Variants in TBL1XR1 observed in about 807,000 individuals in gnomAD.
TBL1XR1 encodes TBL1X/Y related 1, also known as F-box-like/WD repeat-containing protein TBL1XR1.
In TBL1XR1, 5 loss-of-function variants were observed where a neutral mutation model predicts 66.9. The observed-to-expected ratio is 0.07, with a 90% CI of 0.04 to 0.16. The LOEUF (loss-of-function observed/expected upper bound fraction) is 0.16, where lower values mean the gene tolerates loss of function less well. Ranked by LOEUF, TBL1XR1 falls within the 10% of genes least tolerant of loss-of-function variation. The pLI, the probability that TBL1XR1 is intolerant of heterozygous loss-of-function variation, is 1.00. For synonymous variants in TBL1XR1, 210 were observed against 206.0 expected (o/e 1.02, Z -0.17); for missense variants, 238 against 623.2 (o/e 0.38, Z 6.58).
At chr3:177,093,341 A>C (rs985595682) in intron 2 of TBL1XR1, among the ~76,000 whole-genome samples, 13 of 152,214 alleles carry the variant, frequency 8.5e-5, no homozygotes, top group Non-Finnish European at 2.9e-5. Context: ...AAACAAATGG[A>C]AACACATCCT....
intron 2 of TBL1XR1, among the ~76,000 whole-genome samples, chr3:177,071,533 A>G (rs1021325663): frequency 6.6e-6 from 1 of 152,194 alleles, no homozygotes; most frequent in Admixed American, 6.5e-5. Flanking sequence ...TAGAGTAAAA[A>G]TGTCCAAAAG....
intron 4 of TBL1XR1, among the ~76,000 whole-genome samples, chr3:177,052,597 T>C (rs941491550): frequency 3.9e-5 from 6 of 152,172 alleles, no homozygotes; most frequent in African/African-American, 1.4e-4. Flanking sequence ...TTACACACAT[T>C]TTAAGAAAAA....
Position 177,025,439 on chromosome 3 carries a change from G to C in TBL1XR1, c.*59C>G. On this transcript the variant is annotated 3_prime_UTR_variant, in exon 16 of 16. Transcript: ENST00000457928. ...GGACTATAGCAGTACATGGGTCAGG[G>C]ACAGTCATTTTGGCTATGTACACAT... 6.3e-7 allele frequency: 1 copy of C among 1,585,748 alleles called. No individual in the cohort carries two copies. The highest frequency in any genetic ancestry group is 8.6e-7 in the Non-Finnish European group (1 of 1,156,670).
intron 2 of TBL1XR1, among the ~76,000 whole-genome samples, chr3:177,077,565 T>TA (rs1720846163): frequency 6.6e-6 from 1 of 152,184 alleles, no homozygotes; most frequent in Non-Finnish European, 1.5e-5. Flanking sequence ...TACGACAGCC[T>TA]AAGAGTCTCC....
intron 3 of TBL1XR1, among the ~76,000 whole-genome samples, chr3:177,057,718 G>A (rs1016041123): frequency 2.0e-5 from 3 of 152,054 alleles, no homozygotes; most frequent in Admixed American, 6.5e-5. Context: ...GTTAAAATCC[G>A]GCATGACCAT....
At position 177,134,971 on chromosome 3, in the gene TBL1XR1, G is replaced by GTGTGTGTGTGTGTGTGTGTGTGTGTC. The variant is rs1283330297; in HGVS notation, c.-121-36431_-121-36430insGACACACACACACACACACACACACA. 7.8e-4 allele frequency among the ~76,000 whole-genome samples: 114 copies of GTGTGTGTGTGTGTGTGTGTGTGTGTC among 146,134 alleles called. No homozygotes were observed. In the East Asian group the frequency reaches 9.6e-3, roughly 12 times the overall value. On this transcript the variant is annotated intron_variant, in intron 1 of 15. Transcript: ENST00000457928. ...TGTGTGTGTGTGTGTGTGTGTCTGT[G>GTGTGTGTGTGTGTGTGTGTGTGTGTC]TGTGTGTCTGTGTGTGTGTGTTTTG...
intron 1 of TBL1XR1, among the ~76,000 whole-genome samples, chr3:177,111,210 C>G (rs1343313340): frequency 1.3e-5 from 2 of 151,598 alleles, no homozygotes; most frequent in Non-Finnish European, 2.9e-5. Flanking sequence ...AATCCACAAA[C>G]GATACAAAAG....
chr3:177,162,818 T>C (rs899722926), intron 1 of TBL1XR1, among the ~76,000 whole-genome samples: 2 of 152,180 alleles, frequency 1.3e-5, no homozygotes, highest in African/African-American at 2.4e-5. Flanking sequence ...AGATGCTCGA[T>C]CTTATTCAAA....
At chr3:177,112,074 A>AATAT (rs1170375681) in intron 1 of TBL1XR1, among the ~76,000 whole-genome samples, 547 of 40,838 alleles carry the variant, frequency 0.013, 23 homozygotes, top group South Asian at 0.016. Flanking sequence ...TATAAAATCA[A>AATAT]ATATATATAT....
rs996127270 is a variant in TBL1XR1, at chr3:177,019,500, G to A, written c.*5998C>T. On this transcript the variant is annotated 3_prime_UTR_variant, in exon 16 of 16. Transcript: ENST00000457928. ...ATTTAAGAAGCATGCAGAAAAAGTA[G>A]CATAGGGTTAACATTTCATTGATGA... is the stretch of plus-strand genomic sequence containing the variant. 1 of 152,144 alleles carries A rather than the reference G, an allele frequency of 6.6e-6. No homozygotes were observed. The highest frequency in any genetic ancestry group is 6.6e-5 in the Admixed American group (1 of 15,264). The allele number at this position is 152,144 out of a possible 1,614,324, so 9.4% of individuals were successfully genotyped here.
intron 1 of TBL1XR1, among the ~76,000 whole-genome samples, chr3:177,145,708 G>A (rs754186876): frequency 3.9e-5 from 6 of 152,230 alleles, no homozygotes; most frequent in Non-Finnish European, 8.8e-5. Context: ...TGGCACATTT[G>A]TCAGAAAGAG....
At chr3:177,047,793 C>G (rs1363722425) in intron 7 of TBL1XR1, 3 of 474,420 alleles carry the variant, frequency 6.3e-6, no homozygotes, top group African/African-American at 3.9e-5. Context: ...TTGCTCTGGA[C>G]CAGGATCTAC....
At chr3:177,086,477 T>TTACA (rs563458082) in intron 2 of TBL1XR1, among the ~76,000 whole-genome samples, 13 of 152,104 alleles carry the variant, frequency 8.5e-5, no homozygotes, top group Admixed American at 4.6e-4. Flanking sequence ...GTAGTCTGTC[T>TTACA]TACATACATA....
At chr3:177,086,765 C>T (rs1307148041) in intron 2 of TBL1XR1, among the ~76,000 whole-genome samples, 2 of 151,644 alleles carry the variant, frequency 1.3e-5, no homozygotes, top group East Asian at 3.9e-4. Context: ...AGGGTTTTAT[C>T]AACCCACCCA....
intron 1 of TBL1XR1, among the ~76,000 whole-genome samples, chr3:177,183,895 G>A (rs1245843042): frequency 6.6e-6 from 1 of 151,992 alleles, no homozygotes; most frequent in African/African-American, 2.4e-5. Flanking sequence ...CTGAAGTCAG[G>A]AGCTCGAGAC....
intron 2 of TBL1XR1, among the ~76,000 whole-genome samples, chr3:177,091,707 C>T (rs768520115): frequency 9.2e-5 from 14 of 152,228 alleles, no homozygotes; most frequent in African/African-American, 3.1e-4. Context: ...TCAAAAAAAT[C>T]CTCACTTGTT....
At chr3:177,147,048 T>C (rs1730341323) in intron 1 of TBL1XR1, among the ~76,000 whole-genome samples, 1 of 138,548 alleles carries the variant, frequency 7.2e-6, no homozygotes, top group Non-Finnish European at 1.6e-5. Context: ...TTCCTAAGAC[T>C]TTTTTTTTTT....
At chr3:177,110,350 T>C (rs543887976) in intron 1 of TBL1XR1, among the ~76,000 whole-genome samples, 2 of 152,248 alleles carry the variant, frequency 1.3e-5, no homozygotes, top group African/African-American at 2.4e-5. Flanking sequence ...TTCTACAGTT[T>C]AGGCAACAAT....
At chr3:177,047,160 C>A in intron 9 of TBL1XR1, 140 bp downstream of exon 9, 1 of 669,924 alleles carries the variant, frequency 1.5e-6, no homozygotes, top group South Asian at 2.2e-5. Context: ...AGCTGATAGA[C>A]CTAAGGAGTA....
Sources: allele counts gnomAD v4.1 joint callset (sites outside exome capture counted in the v4.1 genomes callset), GRCh38; gene constraint gnomAD v4.1.1; transcripts MANE v1.5; gene names NCBI Gene and HGNC (gene_info 2026-07-23, HGNC 2026-07-21).